Variants in CPNE1 observed in about 807,000 individuals in gnomAD.
CPNE1 encodes copine-1.
Under a neutral mutation model 63.2 loss-of-function variants are expected in CPNE1, and 58 were observed. The ratio of observed to expected loss-of-function variants is 0.92; its 90% CI spans 0.74 to 1.14. The LOEUF is 1.14. Ranked by LOEUF, CPNE1 falls within the 50% of genes most tolerant of loss-of-function variation. CPNE1 has a pLI of 0.00. For missense variants in CPNE1, 672 were observed against 661.7 expected (o/e 1.02, Z -0.17); for synonymous variants, 237 against 249.0 (o/e 0.95, Z 0.45).
At chr20:35,637,783 T>C (rs1240005461) in intron 1 of CPNE1, among the ~76,000 whole-genome samples, 1 of 152,200 alleles carries the variant, frequency 6.6e-6, no homozygotes, top group Non-Finnish European at 1.5e-5. Context: ...ACCATGGTCT[T>C]CAAGGCCCTG....
chr20:35,648,080 T>A (rs1321393067), intron 1 of CPNE1, among the ~76,000 whole-genome samples: 1 of 145,292 alleles, frequency 6.9e-6, no homozygotes, highest in African/African-American at 2.6e-5. Flanking sequence ...AAAAAAAAAA[T>A]TACCATTTAC....
At position 35,652,992 on chromosome 20, in the gene CPNE1, G is replaced by A; in HGVS notation, c.-1+11768C>T. On this transcript the variant is annotated intron_variant, in intron 1 of 15. Transcript: ENST00000397443. The stretch of plus-strand genomic sequence containing the variant: ...CAAATCCCGATGGCCCACTTAAATT[G>A]TTTGGTCCACCTCCAAAACCCGGAA... 3.7e-6 allele frequency: 6 copies of A among 1,613,778 alleles called. No homozygotes were observed. The South Asian group carries it at 6.6e-5, about 18-fold the overall frequency.
At chr20:35,633,161 G>A (rs969120291) in intron 1 of CPNE1, among the ~76,000 whole-genome samples, 2 of 152,138 alleles carry the variant, frequency 1.3e-5, no homozygotes, top group Non-Finnish European at 2.9e-5. Context: ...TATTGAAAAG[G>A]GGTACTAGCC....
At chr20:35,652,555 C>T (rs1264959656) in intron 1 of CPNE1, 1 of 1,613,002 alleles carries the variant, frequency 6.2e-7, no homozygotes. Flanking sequence ...TTTTCTTGAA[C>T]CTATAGGCCT....
intron 11 of CPNE1, 33 bp downstream of exon 11, chr20:35,630,868 G>A (rs979783031): frequency 1.9e-6 from 3 of 1,603,324 alleles, no homozygotes; most frequent in Admixed American, 3.4e-5. Flanking sequence ...CATCTGCAGG[G>A]AGCGGGTATA....
intron 1 of CPNE1, chr20:35,653,534 C>T: frequency 6.2e-7 from 1 of 1,614,216 alleles, no homozygotes; most frequent in Non-Finnish European, 8.5e-7. Context: ...TTACGTGCAT[C>T]ATCTTCATTT....
At chr20:35,631,451 T>C in intron 8 of CPNE1, 41 bp downstream of exon 8, 2 of 1,606,070 alleles carry the variant, frequency 1.2e-6, no homozygotes, top group Non-Finnish European at 1.7e-6. Context: ...GCTTCAGCTA[T>C]CTAGGCCCAT....
At chr20:35,656,430 A>C (rs756170206) in intron 1 of CPNE1, among the ~76,000 whole-genome samples, 3 of 152,232 alleles carry the variant, frequency 2.0e-5, no homozygotes, top group Non-Finnish European at 4.4e-5. Context: ...AGCCCTTTGG[A>C]AAGTGACACA....
In CPNE1 at chr20:35,632,706, G is replaced by A. The variant is rs2032245648; in HGVS notation, c.130-10C>T. ...GTTCAGTCCGGCCAAGCTGTGGGCA[G>A]AGGCCAGTAAGCATCACAGTCACAG... On this transcript the variant is annotated splice_polypyrimidine_tract_variant and intron_variant, in intron 2 of 15. Coordinates refer to ENST00000397443, the MANE Select transcript of CPNE1 (RefSeq NM_152925.3). 2 of 928,140 alleles carry A rather than the reference G, an allele frequency of 2.2e-6. No individual in the cohort carries two copies. Among genetic ancestry groups the A allele is most frequent in the African/African-American group, 1.6e-5 (1 of 62,210 alleles). 57.5% of individuals were successfully genotyped at this position (928,140 alleles called of 1,614,324 possible).
Position 35,632,566 on chromosome 20 carries a change from T to C in CPNE1, c.260A>G (p.Glu87Gly), listed in dbSNP as rs752825231. Residue 87 changes from glutamate to glycine, a missense_variant, in exon 3 of 16, where the codon GAG (glutamate) becomes GGG (glycine). By Grantham distance (98) the Glu-to-Gly change is moderately conservative. Coordinates refer to ENST00000397443, the MANE Select transcript of CPNE1 (RefSeq NM_152925.3). ...CCCTAGGAAGTCATCATCCCTCAGCTCTGGCGTCTTGTTGTCTATGTCATA... is the reference window on the plus strand; with the variant it reads ...CCCTAGGAAGTCATCATCCCTCAGCCCTGGCGTCTTGTTGTCTATGTCATA... ...GIYDIDNKTP[E>G]LRDDDFLGGA... 1 of 1,614,054 alleles carries C rather than the reference T, an allele frequency of 6.2e-7. No homozygotes were observed. Among genetic ancestry groups the C allele is most frequent in the South Asian group, 1.1e-5 (1 of 91,074 alleles).
chr20:35,652,839 G>GCCAGGC (rs1365295894), intron 1 of CPNE1: 6 of 1,608,538 alleles, frequency 3.7e-6, no homozygotes, highest in South Asian at 1.1e-5. Flanking sequence ...CGGGGCCGGG[G>GCCAGGC]CCAGGCCCAA....
At chr20:35,656,969 A>G (rs2033938838) in intron 1 of CPNE1, among the ~76,000 whole-genome samples, 1 of 152,248 alleles carries the variant, frequency 6.6e-6, no homozygotes, top group African/African-American at 2.4e-5. Context: ...ATTGTCAAAT[A>G]TTATATAAAT....
At chr20:35,654,461 T>G in intron 1 of CPNE1, 2 of 1,614,202 alleles carry the variant, frequency 1.2e-6, no homozygotes, top group South Asian at 1.1e-5. Context: ...TGAGAGTTCA[T>G]CTGGATAGGG....
chr20:35,640,753 C>T (rs906935145), intron 1 of CPNE1, among the ~76,000 whole-genome samples: 21 of 152,138 alleles, frequency 1.4e-4, no homozygotes, highest in Non-Finnish European at 4.4e-5. Context: ...ACAGCAGGTG[C>T]TCTACTGATA....
rs770032385 is a variant in CPNE1 at position 35,632,332 on chromosome 20, A to C, written c.363T>G (p.Pro121=). Residue 121 remains proline (P), a synonymous_variant, in exon 4 of 16, where the codon CCT becomes CCG. Coordinates refer to ENST00000397443, the MANE Select transcript of CPNE1 (RefSeq NM_152925.3). ...TLPLMLKPGK[P]AGRGTITVSA... is the part of the protein sequence containing the mutation. ...TTACCGTGATGGTCCCCCGCCCAGC[A>C]GGTTTTCCAGGCTTCAGCATCAAGG... 1.1e-5 allele frequency: 17 copies of C among 1,614,134 alleles called. No homozygotes were observed. The South Asian group carries it at 1.8e-4, about 17-fold the overall frequency.
chr20:35,662,576 A>G (rs986814316), intron 1 of CPNE1, among the ~76,000 whole-genome samples: 1 of 152,246 alleles, frequency 6.6e-6, no homozygotes, highest in African/African-American at 2.4e-5. Flanking sequence ...ATCTAAAAGC[A>G]TCTTTTGTGC....
chr20:35,626,909 C>A, intron 14 of CPNE1, 106 bp from the exon 15 acceptor site: 1 of 953,440 alleles, frequency 1.0e-6, no homozygotes, highest in Non-Finnish European at 1.7e-6. Context: ...TGTTACAGGC[C>A]GGGTGCGATG....
At position 35,630,351 on chromosome 20, in the gene CPNE1, G is replaced by T. The variant is rs116686196; in HGVS notation, c.1102+88C>A. On this transcript the variant is annotated intron_variant, in intron 13 of 15. Coordinates refer to ENST00000397443, the MANE Select transcript of CPNE1 (RefSeq NM_152925.3). The stretch of plus-strand genomic sequence containing the variant: ...TCCACCCTCTGGACAATGAAGGCAG[G>T]TATCTGCCCCCACTCTCCCTTTTAC... 256 of 965,900 alleles carry T rather than the reference G, an allele frequency of 2.7e-4. 2 individuals are homozygous for T. The Middle Eastern group carries it at 3.8e-3, about 15-fold the overall frequency. 59.8% of individuals were successfully genotyped at this position (965,900 alleles called of 1,614,324 possible). A position where few individuals can be genotyped will look rare whatever the true frequency, so the allele number is the denominator to read the frequency against.
chr20:35,631,888 A>C, intron 6 of CPNE1, 57 bp downstream of exon 6: 1 of 1,571,414 alleles, frequency 6.4e-7, no homozygotes, highest in Non-Finnish European at 8.8e-7. Flanking sequence ...CTTGCTAGTC[A>C]CAGGCCCCAG....
Sources: gnomAD v4.1 joint callset for allele counts (sites outside exome capture counted in the v4.1 genomes callset) on GRCh38, gnomAD v4.1.1 for gene constraint, MANE v1.5 for transcripts, NCBI Gene and HGNC (gene_info 2026-07-23, HGNC 2026-07-21) for gene names.